The following EZH1 variants were observed in gnomAD, a reference collection of about 807,000 sequenced individuals.
EZH1 encodes enhancer of zeste 1 polycomb repressive complex 2 subunit.
EZH1 carries 33 observed loss-of-function variants against 100.5 expected under a neutral mutation model. The observed-to-expected ratio is 0.33, with a 90% confidence interval of 0.25 to 0.44. The LOEUF (loss-of-function observed/expected upper bound fraction) is 0.44. Among genes scored for constraint, EZH1 ranks in the 20% least tolerant of loss-of-function variants. The pLI, the probability that EZH1 is intolerant of heterozygous loss-of-function variation, is 1.00. For synonymous variants in EZH1, 272 were observed against 313.8 expected (o/e 0.87, Z 1.41); for missense variants, 475 against 928.4 (o/e 0.51, Z 6.35).
chr17:42,734,369 T>C (rs992266074), intron 1 of EZH1, among the ~76,000 whole-genome samples: 1 of 152,140 alleles, frequency 6.6e-6, no homozygotes, highest in Non-Finnish European at 1.5e-5. Flanking sequence ...GCAATCCCTC[T>C]TCCGTTCCTT....
chr17:42,735,363 A>G (rs1451866471), intron 1 of EZH1, among the ~76,000 whole-genome samples: 1 of 152,018 alleles, frequency 6.6e-6, no homozygotes, highest in Non-Finnish European at 1.5e-5. Flanking sequence ...TTATCATATC[A>G]AAGTTAAAAA....
intron 10 of EZH1, 22 bp downstream of exon 10, chr17:42,717,954 C>T (rs754966298): frequency 1.4e-5 from 22 of 1,610,266 alleles, no homozygotes; most frequent in Non-Finnish European, 1.9e-5. Context: ...GTTAATAATG[C>T]CAGAACAGCT....
rs2053250136 is a variant in EZH1 at position 42,701,973 on chromosome 17, G to A, written c.*559C>T. 2 of 152,588 alleles carry A rather than the reference G, an allele frequency of 1.3e-5. No individual in the cohort carries two copies. Among genetic ancestry groups the A allele is most frequent in the East Asian group, 1.9e-4 (1 of 5,320 alleles). 9.5% of individuals were successfully genotyped at this position (152,588 alleles called of 1,614,324 possible). On this transcript the variant is annotated 3_prime_UTR_variant, in exon 21 of 21. Coordinates refer to ENST00000428826, the MANE Select transcript of EZH1 (RefSeq NM_001991.5). ...TCTTTCAGTTTGAGCCCTGCCACGAGGGAGGAGGTAGTAAGGTGACCTGTC... is the reference window on the plus strand; with the variant it reads ...TCTTTCAGTTTGAGCCCTGCCACGAAGGAGGAGGTAGTAAGGTGACCTGTC...
chr17:42,743,217 T>A (rs1484342493), intron 1 of EZH1, among the ~76,000 whole-genome samples: 1 of 141,704 alleles, frequency 7.1e-6, no homozygotes, highest in East Asian at 2.2e-4. Flanking sequence ...GTTGCCCAGG[T>A]TGATGTGCAG....
chr17:42,707,912 G>C, intron 15 of EZH1, 46 bp downstream of exon 15: 1 of 1,611,978 alleles, frequency 6.2e-7, no homozygotes, highest in Non-Finnish European at 8.5e-7. Context: ...GGGCACACTG[G>C]AGCCAACTGT....
Position 42,720,433 on chromosome 17 carries a change from G to T in EZH1, c.504C>A (p.Ser168=). 1 of 1,608,096 alleles carries T rather than the reference G, an allele frequency of 6.2e-7. No homozygotes were observed. Among genetic ancestry groups the T allele is most frequent in the Non-Finnish European group, 8.5e-7 (1 of 1,178,220 alleles). ...GAAAAACAGCATCACTAATCAGAACGGATCCAGGGATCATCTCTGAAACAT... is the reference window on the plus strand; with the variant it reads ...GAAAAACAGCATCACTAATCAGAACTGATCCAGGGATCATCTCTGAAACAT... The part of the protein sequence containing the change: ...VHGEEEMIPG[S]VLISDAVFLE... The change falls in exon 7 of 21, where the codon TCC becomes TCA. Residue 168 remains serine (S), a synonymous_variant. Transcript: ENST00000428826.
chr17:42,728,480 A>G (rs12947178), intron 3 of EZH1, among the ~76,000 whole-genome samples: 147,943 of 149,314 alleles, frequency 0.99, 73,351 homozygotes, highest in Middle Eastern at 1. Flanking sequence ...GGTGGCTCAC[A>G]CCTGTAATCC....
chr17:42,710,715 T>C lies in EZH1; in HGVS notation c.1402-778A>G, dbSNP rs1338246405. On this transcript the variant is annotated intron_variant, in intron 12 of 20. Coordinates refer to ENST00000428826, the MANE Select transcript of EZH1 (RefSeq NM_001991.5). ...GGTGCCATCATAGCTCAATGTAGTA[T>C]AGAACTCCTGGGCTCAAGCCATCTT... Among the ~76,000 whole-genome samples the C allele has an allele frequency of 2.0e-5, 3 of 149,402 alleles. No individual in the cohort carries two copies. In the Admixed American group the frequency reaches 2.0e-4, roughly 10 times the overall value.
intron 11 of EZH1, 108 bp downstream of exon 11, chr17:42,713,101 G>C: frequency 1.3e-6 from 1 of 780,760 alleles, no homozygotes; most frequent in Non-Finnish European, 1.9e-6. Context: ...CTTGTAGAAA[G>C]AATTTATAAT....
chr17:42,713,477 C>A (rs555720363), intron 10 of EZH1, 88 bp from the exon 11 acceptor site: 4 of 1,240,568 alleles, frequency 3.2e-6, no homozygotes, highest in South Asian at 1.8e-5. Context: ...TTTACAACAT[C>A]TGTCTACAAT....
rs754528732 is a variant in EZH1, at chr17:42,734,912, G to GA, written c.-102-3995dup. Among the ~76,000 whole-genome samples, 10 of 149,556 alleles carry GA rather than the reference G, an allele frequency of 6.7e-5. No homozygotes were observed. The East Asian group carries it at 1.2e-3, about 18-fold the overall frequency. On this transcript the variant is annotated intron_variant, in intron 1 of 20. Coordinates refer to ENST00000428826, the MANE Select transcript of EZH1 (RefSeq NM_001991.5). ...GGAGGCTGAGGCAGGAGAATCGCTT[G>GA]AACCTGGGAGGCAGAGGTTGCAGTG...
intron 1 of EZH1, among the ~76,000 whole-genome samples, chr17:42,740,295 A>C (rs1179314236): frequency 6.7e-6 from 1 of 148,948 alleles, no homozygotes; most frequent in Non-Finnish European, 1.5e-5. Flanking sequence ...GCTGGAGTGC[A>C]GTGGTGCAAT....
intron 20 of EZH1, 135 bp downstream of exon 20, chr17:42,702,742 C>A: frequency 1.6e-6 from 2 of 1,259,976 alleles, no homozygotes; most frequent in Non-Finnish European, 2.3e-6. Flanking sequence ...GATATCAGAA[C>A]AAGGGACACA....
chr17:42,744,210 C>T (rs2054233165), intron 1 of EZH1, among the ~76,000 whole-genome samples: 1 of 152,156 alleles, frequency 6.6e-6, no homozygotes, highest in Non-Finnish European at 1.5e-5. Context: ...GAAACAATTC[C>T]TCAGTAGTCA....
intron 12 of EZH1, among the ~76,000 whole-genome samples, 182 bp downstream of exon 12, chr17:42,712,107 A>G (rs1025619667): frequency 2.0e-5 from 3 of 152,220 alleles, no homozygotes; most frequent in African/African-American, 7.2e-5. Context: ...AAACATCATT[A>G]GGCCTGGCAC....
intron 1 of EZH1, among the ~76,000 whole-genome samples, chr17:42,736,521 A>T (rs2054066688): frequency 6.6e-6 from 1 of 152,188 alleles, no homozygotes; most frequent in Admixed American, 6.6e-5. Context: ...ATACATTCAC[A>T]CCACATCTCA....
intron 2 of EZH1, 37 bp from the exon 3 acceptor site, chr17:42,728,989 C>T: frequency 6.5e-7 from 1 of 1,536,896 alleles, no homozygotes. Flanking sequence ...CATTTTATTG[C>T]CTGGAAATAA....
At chr17:42,714,987 TTATATATAATTTATATAAATATAAAA>T (rs2053568876) in intron 10 of EZH1, among the ~76,000 whole-genome samples, 1 of 138,928 alleles carries the variant, frequency 7.2e-6, no homozygotes, top group Admixed American at 7.7e-5. Flanking sequence ...ATAAATATAT[TTATATATAATTTATATAAATATAAAA>T]TATATATAAT....
intron 1 of EZH1, among the ~76,000 whole-genome samples, chr17:42,742,019 A>C (rs764018314): frequency 1.8e-4 from 28 of 152,188 alleles, no homozygotes; most frequent in Non-Finnish European, 3.8e-4. Flanking sequence ...GGTATCATCC[A>C]AAGGCAAATA....
Sources: gnomAD v4.1 joint callset for allele counts (sites outside exome capture counted in the v4.1 genomes callset) on GRCh38, gnomAD v4.1.1 for gene constraint, MANE v1.5 for transcripts, NCBI Gene and HGNC (gene_info 2026-07-23, HGNC 2026-07-21) for gene names.